The following FGD4 variants were observed in gnomAD, a reference collection of about 807,000 sequenced individuals.
FGD4 encodes the protein FYVE, RhoGEF and PH domain containing 4, also known as FYVE, RhoGEF and PH domain-containing protein 4.
A neutral mutation model predicts 102.0 loss-of-function variants in FGD4; 42 were observed. The observed-to-expected ratio is 0.41, with a 90% CI of 0.32 to 0.53. The LOEUF is 0.53. Among genes scored for constraint, FGD4 ranks in the 20% least tolerant of loss-of-function variants. The pLI, the probability that FGD4 is intolerant of heterozygous loss-of-function variation, is 0.21. For missense variants in FGD4, 902 were observed against 1,078.2 expected (o/e 0.84, Z 2.29); for synonymous variants, 380 against 375.7 (o/e 1.01, Z -0.13).
At chr12:32,554,528 C>A (rs1943943124) in intron 1 of FGD4, among the ~76,000 whole-genome samples, 1 of 152,082 alleles carries the variant, frequency 6.6e-6, no homozygotes, top group South Asian at 2.1e-4. Context: ...TGGGATTTGT[C>A]AGGAGCACAA....
chr12:32,480,697 C>T (rs1441028927), intron 1 of FGD4, among the ~76,000 whole-genome samples: 1 of 151,608 alleles, frequency 6.6e-6, no homozygotes, highest in Non-Finnish European at 1.5e-5. Flanking sequence ...GACGGGGTTT[C>T]ACCATGTTGG....
intron 1 of FGD4, among the ~76,000 whole-genome samples, chr12:32,426,949 CTTTCT>C (rs61286354): frequency 0.33 from 49,962 of 150,940 alleles, 9,106 homozygotes; most frequent in African/African-American, 0.48. Flanking sequence ...TCTGATTCTT[CTTTCT>C]TTTCTTCTTT....
intron 15 of FGD4, among the ~76,000 whole-genome samples, chr12:32,636,122 A>C (rs1950797621): frequency 6.6e-6 from 1 of 152,102 alleles, no homozygotes; most frequent in Admixed American, 6.6e-5. Flanking sequence ...AGCGTTCCCT[A>C]TCATCAAATT....
chr12:32,635,047 C>T lies in FGD4; in HGVS notation c.2313+1358C>T, dbSNP rs116261908. Among the ~76,000 whole-genome samples the T allele has an allele frequency of 1.1e-3, 167 of 152,212 alleles. 1 individual carries two copies. Among genetic ancestry groups the T allele is most frequent in the African/African-American group, 3.8e-3 (159 of 41,530 alleles). On this transcript the variant is annotated intron_variant, in intron 15 of 16. Transcript: ENST00000534526. ...TTATTGAGCATTTACATTGTGTAAG[C>T]GTACAAGTATACCTGTACACTTACA...
At chr12:32,636,996 G>T (rs1280705890) in intron 15 of FGD4, among the ~76,000 whole-genome samples, 2 of 148,568 alleles carry the variant, frequency 1.3e-5, no homozygotes, top group Admixed American at 1.3e-4. Flanking sequence ...TCAGCCTCCT[G>T]AGTAGCTGGG....
chr12:32,634,038 T>C (rs2137028596), intron 15 of FGD4, among the ~76,000 whole-genome samples: 1 of 152,358 alleles, frequency 6.6e-6, no homozygotes, highest in South Asian at 2.1e-4. Flanking sequence ...ACAAATAATA[T>C]ATCTTTGTTA....
chr12:32,607,011 A>G (rs1451635835), intron 7 of FGD4, among the ~76,000 whole-genome samples: 3 of 152,240 alleles, frequency 2.0e-5, no homozygotes, highest in Non-Finnish European at 4.4e-5. Context: ...TAGCCTTATT[A>G]TCAAATAGTT....
At chr12:32,561,251 T>C (rs1944562974) in intron 1 of FGD4, among the ~76,000 whole-genome samples, 1 of 151,788 alleles carries the variant, frequency 6.6e-6, no homozygotes, top group African/African-American at 2.4e-5. Context: ...CACATCTGGC[T>C]AATTTTTGTA....
chr12:32,624,101 T>A lies in FGD4; in HGVS notation c.1923-321T>A, dbSNP rs55701554. Among the ~76,000 whole-genome samples, 1,381 of 152,332 alleles carry A rather than the reference T, an allele frequency of 9.1e-3. 13 individuals carry two copies. The highest frequency in any genetic ancestry group is 0.016 in the Non-Finnish European group (1,069 of 68,020). On this transcript the variant is annotated intron_variant, in intron 11 of 16. Coordinates refer to ENST00000534526, the MANE Select transcript of FGD4 (RefSeq NM_001370298.3). ...TGTTTTAGAAAACTGGAAGATTAGC[T>A]GTTGTATATTCAGTGTAATGCTATA...
At chr12:32,621,300 C>T (rs756296129) in intron 11 of FGD4, among the ~76,000 whole-genome samples, 1 of 152,010 alleles carries the variant, frequency 6.6e-6, no homozygotes, top group South Asian at 2.1e-4. Context: ...AAAATAATAA[C>T]AATAATAATA....
In FGD4 at chr12:32,645,189, A is replaced by G. The variant is rs1386660485; in HGVS notation, c.*4656A>G. 1 of 152,156 alleles carries G rather than the reference A, an allele frequency of 6.6e-6. No individual in the cohort carries two copies. The highest frequency in any genetic ancestry group is 2.4e-5 in the African/African-American group (1 of 41,444). 9.4% of individuals were successfully genotyped at this position (152,156 alleles called of 1,614,324 possible). On this transcript the variant is annotated 3_prime_UTR_variant, in exon 17 of 17. Coordinates refer to ENST00000534526, the MANE Select transcript of FGD4 (RefSeq NM_001370298.3). ...GAAACTAGTCTGTGGGGACCATTAT[A>G]AGAGAATCACATTATATATTACACA...
At chr12:32,422,839 C>T (rs1941689433) in intron 1 of FGD4, among the ~76,000 whole-genome samples, 1 of 152,102 alleles carries the variant, frequency 6.6e-6, no homozygotes, top group African/African-American at 2.4e-5. Flanking sequence ...TTACTGAGTA[C>T]TTACATTTTA....
chr12:32,490,399 CTTTT>C (rs3077004), intron 1 of FGD4, among the ~76,000 whole-genome samples: 1 of 130,914 alleles, frequency 7.6e-6, no homozygotes. Context: ...TTTTATCAGT[CTTTT>C]TTTTTTTTTT....
intron 1 of FGD4, among the ~76,000 whole-genome samples, chr12:32,432,973 T>C (rs2136439435): frequency 6.6e-6 from 1 of 152,286 alleles, no homozygotes. Context: ...CTTTGCCTGG[T>C]TTCCATATTT....
At chr12:32,520,466 C>T (rs1267249639) in intron 1 of FGD4, among the ~76,000 whole-genome samples, 6 of 135,748 alleles carry the variant, frequency 4.4e-5, no homozygotes, top group South Asian at 2.4e-4. Flanking sequence ...GATGGAGTCT[C>T]GCTCTGTCGC....
intron 1 of FGD4, among the ~76,000 whole-genome samples, chr12:32,425,641 G>C (rs1157323436): frequency 6.6e-6 from 1 of 152,188 alleles, no homozygotes; most frequent in Non-Finnish European, 1.5e-5. Flanking sequence ...GGATAGCATT[G>C]AATGTGTAAA....
intron 1 of FGD4, among the ~76,000 whole-genome samples, chr12:32,467,973 G>A (rs1279377300): frequency 1.3e-5 from 2 of 152,048 alleles, no homozygotes; most frequent in African/African-American, 2.4e-5. Context: ...CCGAAATCAC[G>A]CCATTGCACT....
intron 1 of FGD4, among the ~76,000 whole-genome samples, chr12:32,492,724 A>G (rs1944150051): frequency 6.6e-6 from 1 of 152,212 alleles, no homozygotes; most frequent in African/African-American, 2.4e-5. Flanking sequence ...TATCATCAGG[A>G]GTCATCTCTA....
intron 1 of FGD4, among the ~76,000 whole-genome samples, chr12:32,409,668 C>T (rs1343005142): frequency 2.0e-5 from 3 of 152,230 alleles, no homozygotes; most frequent in East Asian, 3.9e-4. Flanking sequence ...CCCCAGCTGC[C>T]TGTTACTGAT....
Sources: allele counts gnomAD v4.1 joint callset (sites outside exome capture counted in the v4.1 genomes callset), GRCh38; gene constraint gnomAD v4.1.1; transcripts MANE v1.5; gene names NCBI Gene and HGNC (gene_info 2026-07-23, HGNC 2026-07-21).